Variants in EPYC observed in about 807,000 individuals in gnomAD.
The protein encoded by EPYC is epiphycan, also known as dermatan sulfate proteoglycan 3.
A neutral mutation model predicts 30.1 loss-of-function variants in EPYC; 28 were observed. The observed-to-expected ratio is 0.93, with a 90% CI of 0.69 to 1.28. The LOEUF (loss-of-function observed/expected upper bound fraction) is 1.28. Ranked by LOEUF, EPYC falls within the 50% of genes most tolerant of loss-of-function variation. The pLI is 0.00. For synonymous variants in EPYC, 144 were observed against 141.4 expected (o/e 1.02, Z -0.13); for missense variants, 382 against 383.5 (o/e 1.00, Z 0.03).
intron 2 of EPYC, among the ~76,000 whole-genome samples, chr12:90,985,971 G>T (rs1270162182): frequency 6.6e-6 from 1 of 152,124 alleles, no homozygotes; most frequent in African/African-American, 2.4e-5. Flanking sequence ...GGAATCCTGG[G>T]ACAGCCTGTA....
At chr12:90,965,863 A>G (rs1425348544) in intron 6 of EPYC, among the ~76,000 whole-genome samples, 2 of 152,000 alleles carry the variant, frequency 1.3e-5, no homozygotes, top group East Asian at 1.9e-4. Flanking sequence ...TTTCTTTTAG[A>G]TACCTTTAAA....
intron 2 of EPYC, among the ~76,000 whole-genome samples, chr12:90,987,815 T>C (rs916495081): frequency 2.6e-5 from 4 of 152,170 alleles, no homozygotes; most frequent in African/African-American, 9.6e-5. Context: ...ATGTGTACAA[T>C]GTAATAGCCT....
chr12:90,996,463 T>C (rs1877695489), intron 2 of EPYC, among the ~76,000 whole-genome samples: 1 of 151,908 alleles, frequency 6.6e-6, no homozygotes, highest in South Asian at 2.1e-4. Flanking sequence ...TGAGGCTTGG[T>C]TAGTTTGCAT....
At chr12:90,993,700 A>G (rs1483510592) in intron 2 of EPYC, among the ~76,000 whole-genome samples, 1 of 151,384 alleles carries the variant, frequency 6.6e-6, no homozygotes, top group African/African-American at 2.4e-5. Flanking sequence ...AGTAATATAT[A>G]TAAGATATGA....
intron 1 of EPYC, among the ~76,000 whole-genome samples, chr12:91,003,226 T>C (rs533226575): frequency 3.9e-5 from 6 of 152,242 alleles, no homozygotes; most frequent in Admixed American, 2.6e-4. Context: ...TCTGGACATA[T>C]AAATACATAC....
Position 90,964,276 on chromosome 12 carries a change from A to C in EPYC, c.849T>G (p.Asn283Lys). ...MHEDTFCNVK[N>K]LTYIRKALED... ...CTAGTGCCTTACGAATATAAGTCAA[A>C]TTTTTAACATTGCAGAACGTATCTT... The change falls in exon 7 of 7, where the codon AAT becomes AAG. Residue 283 changes from asparagine to lysine, a missense_variant. Asn to Lys is a moderately conservative substitution (Grantham distance 94). Coordinates refer to ENST00000261172, the MANE Select transcript of EPYC (RefSeq NM_004950.5). 1 of 1,612,816 alleles carries C rather than the reference A, an allele frequency of 6.2e-7. No individual in the cohort carries two copies. The highest frequency in any genetic ancestry group is 8.5e-7 in the Non-Finnish European group (1 of 1,179,004).
At chr12:90,979,214 T>A (rs180871465) in intron 2 of EPYC, among the ~76,000 whole-genome samples, 9 of 152,258 alleles carry the variant, frequency 5.9e-5, no homozygotes, top group Non-Finnish European at 1.3e-4. Context: ...AAGCTTGGGC[T>A]GAAAATTTGC....
intron 2 of EPYC, among the ~76,000 whole-genome samples, chr12:90,979,231 C>A (rs77350427): frequency 0.025 from 3,836 of 152,180 alleles, 165 homozygotes; most frequent in African/African-American, 0.087. Context: ...TTGCTCCAGG[C>A]AATTGGGATG....
At chr12:91,001,490 C>A (rs1483274584) in intron 2 of EPYC, among the ~76,000 whole-genome samples, 1 of 152,060 alleles carries the variant, frequency 6.6e-6, no homozygotes, top group Non-Finnish European at 1.5e-5. Flanking sequence ...GGTCTGTTTG[C>A]TTTCTGATTC....
chr12:90,994,301 A>T (rs1660354580), intron 2 of EPYC, among the ~76,000 whole-genome samples: 1 of 152,128 alleles, frequency 6.6e-6, no homozygotes, highest in African/African-American at 2.4e-5. Context: ...TGAGTGAGTG[A>T]TTCAATGGTA....
chr12:90,994,246 A>C (rs1051678893), intron 2 of EPYC, among the ~76,000 whole-genome samples: 3 of 152,166 alleles, frequency 2.0e-5, no homozygotes, highest in Admixed American at 1.3e-4. Context: ...CCCTTCCTTT[A>C]AGGCATCTGT....
chr12:90,978,319 T>A, intron 2 of EPYC, 57 bp from the exon 3 acceptor site: 1 of 1,508,500 alleles, frequency 6.6e-7, no homozygotes, highest in Non-Finnish European at 8.8e-7. Flanking sequence ...TCACTCTGTG[T>A]GGCAGTGACA....
chr12:91,002,617 A>G (rs749160906), intron 1 of EPYC, 39 bp from the exon 2 acceptor site: 17 of 1,440,804 alleles, frequency 1.2e-5, no homozygotes, highest in Non-Finnish European at 1.3e-5. Flanking sequence ...TATTTAATTG[A>G]TAACTTATGA....
intron 2 of EPYC, among the ~76,000 whole-genome samples, chr12:91,000,038 T>C (rs1349169633): frequency 6.6e-6 from 1 of 152,106 alleles, no homozygotes; most frequent in African/African-American, 2.4e-5. Flanking sequence ...AGAGTTATTA[T>C]AGCATATGTA....
intron 6 of EPYC, among the ~76,000 whole-genome samples, chr12:90,969,459 T>C (rs1437948162): frequency 6.6e-6 from 1 of 151,828 alleles, no homozygotes; most frequent in Non-Finnish European, 1.5e-5. Context: ...TCAAACTGAA[T>C]ACTTCAAAGA....
intron 2 of EPYC, among the ~76,000 whole-genome samples, chr12:90,984,174 T>C (rs1365348918): frequency 6.6e-6 from 1 of 152,084 alleles, no homozygotes; most frequent in Non-Finnish European, 1.5e-5. Context: ...CTCTAACAGA[T>C]TTTTGAGAAT....
chr12:90,967,169 T>C (rs369807705), intron 6 of EPYC, among the ~76,000 whole-genome samples: 1 of 152,076 alleles, frequency 6.6e-6, no homozygotes, highest in African/African-American at 2.4e-5. Context: ...CCTCTACTTT[T>C]TCAATTATCT....
intron 2 of EPYC, among the ~76,000 whole-genome samples, chr12:90,986,671 A>C (rs1275867055): frequency 6.6e-6 from 1 of 152,178 alleles, no homozygotes; most frequent in Non-Finnish European, 1.5e-5. Flanking sequence ...AGCTGAGGCC[A>C]AGCTAGTCCA....
intron 1 of EPYC, among the ~76,000 whole-genome samples, chr12:91,004,133 T>C (rs1445106306): frequency 6.6e-6 from 1 of 152,106 alleles, no homozygotes; most frequent in Admixed American, 6.6e-5. Flanking sequence ...ATAATCAAGT[T>C]GGAAACATTA....
Sources: allele counts gnomAD v4.1 joint callset (sites outside exome capture counted in the v4.1 genomes callset), GRCh38; gene constraint gnomAD v4.1.1; transcripts MANE v1.5; gene names NCBI Gene and HGNC (gene_info 2026-07-23, HGNC 2026-07-21).